TRPM4: variants seen among roughly 807,000 people sequenced by gnomAD.
The protein encoded by TRPM4 is transient receptor potential cation channel subfamily M member 4.
TRPM4 carries 124 observed loss-of-function variants against 135.6 expected under a neutral mutation model. The ratio of observed to expected loss-of-function variants is 0.91; its 90% CI spans 0.79 to 1.06. The LOEUF (loss-of-function observed/expected upper bound fraction) is 1.06. TRPM4 is among the 50% of genes least tolerant of loss of function. TRPM4 has a pLI of 0.00. For synonymous variants in TRPM4, 745 were observed against 705.6 expected (o/e 1.06, Z -0.88); for missense variants, 1,658 against 1,671.4 (o/e 0.99, Z 0.14).
Position 49,168,100 on chromosome 19 carries a change from G to C in TRPM4, c.448+3G>C, listed in dbSNP as rs1050461627. ...GGTGCGGGCTGCCCAGAGCACAGGT[G>C]ACCGAGGGTGGGTGGGGGCTGTCTC... On this transcript the variant is annotated splice_donor_region_variant and intron_variant, in intron 4 of 24. Coordinates refer to ENST00000252826, the MANE Select transcript of TRPM4 (RefSeq NM_017636.4). The C allele has an allele frequency of 1.9e-6, 3 of 1,600,928 alleles. No individual in the cohort carries two copies. The highest frequency in any genetic ancestry group is 2.6e-6 in the Non-Finnish European group (3 of 1,176,146).
rs1401731290 is a variant in TRPM4 at position 49,211,539 on chromosome 19, T to C, written c.*41T>C. ...TTCAAGGAGAAGCCCCCACAGGGGA[T>C]TTTGCTCCTAGAGTAAGGCTCATCT... On this transcript the variant is annotated 3_prime_UTR_variant, in exon 25 of 25. Coordinates refer to ENST00000252826, the MANE Select transcript of TRPM4 (RefSeq NM_017636.4). The surrounding 1 kb of genome is among the most constrained non-coding windows in gnomAD (Gnocchi z 4.8). 6.2e-7 allele frequency: 1 copy of C among 1,613,658 alleles called. No individual in the cohort carries two copies. The highest frequency in any genetic ancestry group is 1.7e-5 in the Admixed American group (1 of 60,024).
chr19:49,182,054 A>C (rs1054500627), intron 10 of TRPM4, among the ~76,000 whole-genome samples: 1 of 126,230 alleles, frequency 7.9e-6, no homozygotes, highest in Non-Finnish European at 1.8e-5. Flanking sequence ...CCATCCATCC[A>C]TTTATCCATC....
intron 1 of TRPM4, 104 bp downstream of exon 1, chr19:49,157,994 G>A (rs2041546918): frequency 7.2e-7 from 1 of 1,386,058 alleles, no homozygotes. Context: ...GTCAGACGGA[G>A]GAGGGGGATG....
intron 2 of TRPM4, among the ~76,000 whole-genome samples, chr19:49,163,643 C>A (rs1235033196): frequency 6.6e-6 from 1 of 152,126 alleles, no homozygotes; most frequent in Non-Finnish European, 1.5e-5. Flanking sequence ...AGGCGTGCAC[C>A]ACCACACCTG....
At position 49,182,624 on chromosome 19, in the gene TRPM4, G is replaced by A. The variant is rs149806315; in HGVS notation, c.1310G>A (p.Arg437Gln). 1 of 1,613,934 alleles carries A rather than the reference G, an allele frequency of 6.2e-7. No homozygotes were observed. Among genetic ancestry groups the A allele is most frequent in the Non-Finnish European group, 8.5e-7 (1 of 1,180,026 alleles). Reference protein sequence around the residue: ...ASLMDALLNDRPEFVRLLISH... With the variant: ...ASLMDALLNDQPEFVRLLISH... ...CTCATGGACGCCCTGCTGAATGACCGGCCTGAGTTCGTGCGCTTGCTCATT... is the reference window on the plus strand; with the variant it reads ...CTCATGGACGCCCTGCTGAATGACCAGCCTGAGTTCGTGCGCTTGCTCATT... The change falls in exon 11 of 25, where the codon CGG becomes CAG. Residue 437 changes from arginine (R) to glutamine (Q), a missense_variant. Physicochemically the swap from Arg to Gln is conservative, Grantham distance 43. Around this residue, in one of 3 missense-constraint regions of TRPM4, gnomAD observed 1,412 missense variants for 1,408.7 expected, o/e 1.00. Coordinates refer to ENST00000252826, the MANE Select transcript of TRPM4 (RefSeq NM_017636.4).
At position 49,172,248 on chromosome 19, in the gene TRPM4, T is replaced by C. The variant is rs1356433381; in HGVS notation, c.1150+140T>C. The C allele has an allele frequency of 1.8e-5, 13 of 724,268 alleles. No individual in the cohort carries two copies. In the East Asian group the frequency reaches 3.4e-4, roughly 19 times the overall value. 44.9% of individuals were successfully genotyped at this position (724,268 alleles called of 1,614,324 possible). A position where few individuals can be genotyped will look rare whatever the true frequency, so the allele number is the denominator to read the frequency against. ...TCTTAATATTTTTCCCCTTTGGGGCTTTGCATGGTGCTATTTGGGCAGTTT... is the reference window on the plus strand; with the variant it reads ...TCTTAATATTTTTCCCCTTTGGGGCCTTGCATGGTGCTATTTGGGCAGTTT... On this transcript the variant is annotated intron_variant, in intron 9 of 24. Coordinates refer to ENST00000252826, the MANE Select transcript of TRPM4 (RefSeq NM_017636.4).
At chr19:49,168,172 T>G in intron 4 of TRPM4, 75 bp downstream of exon 4, 1 of 1,586,888 alleles carries the variant, frequency 6.3e-7, no homozygotes, top group South Asian at 1.1e-5. Flanking sequence ...GTGGGTGGCC[T>G]CCCCCGCCGC....
chr19:49,169,797 G>A lies in TRPM4; in HGVS notation c.796+1061G>A, dbSNP rs531530310. Among the ~76,000 whole-genome samples, 3 of 148,208 alleles carry A rather than the reference G, an allele frequency of 2.0e-5. No homozygotes were observed. In the East Asian group the frequency reaches 6.1e-4, roughly 30 times the overall value. Reference sequence around the variant, plus strand: ...GGCCTCAAACTCGTGGTCGAAAGTGGTCCACCTGCCTCAGCCTCCCAAAGT... The same window carrying A: ...GGCCTCAAACTCGTGGTCGAAAGTGATCCACCTGCCTCAGCCTCCCAAAGT... On this transcript the variant is annotated intron_variant, in intron 6 of 24. Transcript: ENST00000252826.
chr19:49,199,778 C>T (rs140771467), intron 17 of TRPM4, among the ~76,000 whole-genome samples: 2,966 of 152,190 alleles, frequency 0.019, 42 homozygotes, highest in Non-Finnish European at 0.03. Context: ...GGATTACAGG[C>T]GTGAGCCACC....
At chr19:49,202,179 C>T (rs1259442702) in intron 20 of TRPM4, 38 bp downstream of exon 20, 1 of 1,610,238 alleles carries the variant, frequency 6.2e-7, no homozygotes. Context: ...CCCCACCCAG[C>T]ATGACCCGTG....
At chr19:49,204,661 C>G (rs949929653) in intron 20 of TRPM4, among the ~76,000 whole-genome samples, 8 of 152,072 alleles carry the variant, frequency 5.3e-5, no homozygotes, top group African/African-American at 1.9e-4. Flanking sequence ...TCCCAAGTAG[C>G]TGGGACTACA....
rs747192078 is a variant in TRPM4, at chr19:49,171,642, C to T, written c.923C>T (p.Ala308Val). ...CTCGTGGCTGGCTCAGGGGGAGCTG[C>T]GGACTGCCTGGCGGAGACCCTGGAA... ...CLLVAGSGGAADCLAETLEDT... is the reference protein window; with the variant it reads ...CLLVAGSGGAVDCLAETLEDT... The change falls in exon 8 of 25, where the codon GCG (alanine) becomes GTG (valine). Residue 308 changes from alanine to valine, a missense_variant. Coordinates refer to ENST00000252826, the MANE Select transcript of TRPM4 (RefSeq NM_017636.4). The surrounding 1 kb of genome is among the most constrained non-coding windows in gnomAD (Gnocchi z 4.7). 4.5e-5 allele frequency: 73 copies of T among 1,613,912 alleles called. No individual in the cohort carries two copies. Among genetic ancestry groups the T allele is most frequent in the East Asian group, 2.5e-4 (11 of 44,878 alleles).
intron 20 of TRPM4, among the ~76,000 whole-genome samples, chr19:49,205,174 A>G (rs1229487720): frequency 6.6e-6 from 1 of 151,938 alleles, no homozygotes; most frequent in Non-Finnish European, 1.5e-5. Flanking sequence ...TGTGGCTTTA[A>G]ATCACAGAAA....
At chr19:49,161,832 G>A (rs894683234) in intron 2 of TRPM4, among the ~76,000 whole-genome samples, 2 of 152,104 alleles carry the variant, frequency 1.3e-5, no homozygotes, top group African/African-American at 4.8e-5. Flanking sequence ...GTTTCACCAT[G>A]TTGGCCAGGC....
Position 49,210,319 on chromosome 19 carries a change from T to C in TRPM4, c.3242T>C (p.Val1081Ala), listed in dbSNP as rs760581048. Residue 1081 changes from valine to alanine, a missense_variant, in exon 21 of 25, where the codon GTC becomes GCC. By Grantham distance (64) the Val-to-Ala change is moderately conservative. Coordinates refer to ENST00000252826, the MANE Select transcript of TRPM4 (RefSeq NM_017636.4). The surrounding 1 kb of genome is among the most constrained non-coding windows in gnomAD (Gnocchi z 4.1). ...SRPALAPPFI[V>A]ISHLRLLLRQ... ...CCCGCGCTGGCCCCGCCCTTTATCG[T>C]CATCTCCCACTTGCGCCTCCTGCTC... 6.2e-7 allele frequency: 1 copy of C among 1,614,206 alleles called. No homozygotes were observed. The highest frequency in any genetic ancestry group is 1.1e-5 in the South Asian group (1 of 91,086).
At chr19:49,186,498 C>T (rs1250343822) in intron 12 of TRPM4, among the ~76,000 whole-genome samples, 1 of 152,156 alleles carries the variant, frequency 6.6e-6, no homozygotes, top group Non-Finnish European at 1.5e-5. Context: ...TCTTTCTTCC[C>T]AAGATGCTTA....
At chr19:49,205,663 G>A (rs989946328) in intron 20 of TRPM4, among the ~76,000 whole-genome samples, 3 of 150,858 alleles carry the variant, frequency 2.0e-5, no homozygotes, top group Admixed American at 6.6e-5. Context: ...AGCCTCCCGA[G>A]TAGCTGGGAT....
chr19:49,194,226 C>T (rs1247752749), intron 16 of TRPM4, among the ~76,000 whole-genome samples: 5 of 151,944 alleles, frequency 3.3e-5, no homozygotes, highest in Non-Finnish European at 7.4e-5. Flanking sequence ...CCTCCTGCTC[C>T]TCTGCCTTCT....
chr19:49,211,205 C>T lies in TRPM4; in HGVS notation c.3576C>T (p.Ala1192=). ...CSRVLGWVAE[A]LSRSALLPPG... ...GCGTCCTGGGGTGGGTGGCCGAGGCCCTGAGCCGCTCTGCCTTGCTGCCCC... is the reference window on the plus strand; with the variant it reads ...GCGTCCTGGGGTGGGTGGCCGAGGCTCTGAGCCGCTCTGCCTTGCTGCCCC... Residue 1192 remains alanine (A), a synonymous_variant, in exon 24 of 25, where the codon GCC becomes GCT. Coordinates refer to ENST00000252826, the MANE Select transcript of TRPM4 (RefSeq NM_017636.4). The surrounding 1 kb of genome is among the most constrained non-coding windows in gnomAD (Gnocchi z 4.8). The T allele has an allele frequency of 1.2e-6, 2 of 1,601,488 alleles. No individual in the cohort carries two copies. The highest frequency in any genetic ancestry group is 1.7e-6 in the Non-Finnish European group (2 of 1,174,744).
Sources: allele counts gnomAD v4.1 joint callset (sites outside exome capture counted in the v4.1 genomes callset), GRCh38; gene constraint gnomAD v4.1.1; regional missense constraint gnomAD v4.1.1; non-coding constraint Gnocchi (gnomAD v3.1); transcripts MANE v1.5; gene names NCBI Gene and HGNC (gene_info 2026-07-23, HGNC 2026-07-21).